WIPF2: variants seen among roughly 807,000 people sequenced by gnomAD.
WIPF2 encodes the protein WAS/WASL interacting protein family member 2, also known as WAS/WASL-interacting protein family member 2.
In WIPF2, 23 loss-of-function variants were observed where a neutral mutation model predicts 38.8. The observed-to-expected ratio is 0.59, with a 90% CI of 0.43 to 0.84. The LOEUF is 0.84. WIPF2 is among the 40% of genes least tolerant of loss of function. The pLI is 0.00. For missense variants in WIPF2, 574 were observed against 580.5 expected (o/e 0.99, Z 0.11); for synonymous variants, 210 against 223.2 (o/e 0.94, Z 0.53).
rs2032587139 is a variant in WIPF2, at chr17:40,283,153, T to TTAA, written c.*4928_*4929insTAA. 1 of 17,360 alleles carries TTAA rather than the reference T, an allele frequency of 5.8e-5. No homozygotes were observed. The highest frequency in any genetic ancestry group is 1.8e-3 in the East Asian group (1 of 548). The allele number at this position is 17,360 out of a possible 1,614,324, so 1.1% of individuals were successfully genotyped here. A position where few individuals can be genotyped will look rare whatever the true frequency, so the allele number is the denominator to read the frequency against. On this transcript the variant is annotated 3_prime_UTR_variant, in exon 8 of 8. Transcript: ENST00000323571. ...CTGAGCTGAGATCATGCCACTGCAC[T>TTAA]AAAAAAAAAAAAAAAAAAAAAAAAA...
At chr17:40,220,562 C>CGTGTGTGTGT (rs753227454) in intron 1 of WIPF2, 1 of 92,662 alleles carries the variant, frequency 1.1e-5, no homozygotes, top group African/African-American at 4.8e-5. Context: ...TCCCGCCTAA[C>CGTGTGTGTGT]GTGTGTGTGT....
chr17:40,224,301 G>A (rs1266193444), intron 1 of WIPF2, among the ~76,000 whole-genome samples: 2 of 140,066 alleles, frequency 1.4e-5, no homozygotes, highest in East Asian at 4.3e-4. Flanking sequence ...GCGCAATCTC[G>A]GCTCACTGCA....
intron 1 of WIPF2, among the ~76,000 whole-genome samples, chr17:40,239,725 C>T (rs1321330120): frequency 7.6e-6 from 1 of 131,014 alleles, no homozygotes; most frequent in African/African-American, 2.8e-5. Context: ...GACGGAGTCT[C>T]ACTCTGTCAT....
chr17:40,240,514 GTT>G (rs797018773), intron 1 of WIPF2, among the ~76,000 whole-genome samples: 3 of 140,710 alleles, frequency 2.1e-5, no homozygotes, highest in Admixed American at 7.1e-5. Flanking sequence ...GCAGTGTTTT[GTT>G]TTTTTTTTTT....
At chr17:40,246,267 G>A (rs1365456070) in intron 1 of WIPF2, among the ~76,000 whole-genome samples, 1 of 151,568 alleles carries the variant, frequency 6.6e-6, no homozygotes, top group East Asian at 1.9e-4. Flanking sequence ...TTGTGTTTTA[G>A]TAGAGATGGG....
chr17:40,239,292 C>T (rs1371014843), intron 1 of WIPF2, among the ~76,000 whole-genome samples: 20 of 150,852 alleles, frequency 1.3e-4, no homozygotes, highest in African/African-American at 4.1e-4. Context: ...AGGATGGTCT[C>T]GATCTCCTGA....
intron 1 of WIPF2, among the ~76,000 whole-genome samples, chr17:40,247,271 G>A (rs946618654): frequency 1.1e-4 from 13 of 123,350 alleles, no homozygotes; most frequent in African/African-American, 4.1e-4. Flanking sequence ...AGGCTAGAGT[G>A]CAGTGGCACA....
intron 1 of WIPF2, among the ~76,000 whole-genome samples, chr17:40,228,172 C>T (rs1193837460): frequency 6.7e-6 from 1 of 150,282 alleles, no homozygotes; most frequent in Non-Finnish European, 1.5e-5. Flanking sequence ...CCCGCCACTA[C>T]GCCCGGCTAA....
chr17:40,266,842 G>A (rs1204723263), intron 5 of WIPF2, among the ~76,000 whole-genome samples: 1 of 152,188 alleles, frequency 6.6e-6, no homozygotes, highest in Non-Finnish European at 1.5e-5. Context: ...GATAAAAAGG[G>A]TTGGCCTTAG....
intron 5 of WIPF2, among the ~76,000 whole-genome samples, chr17:40,268,529 C>G (rs573780122): frequency 2.4e-4 from 36 of 152,256 alleles, no homozygotes; most frequent in African/African-American, 8.7e-4. Flanking sequence ...TTGCTTCCCA[C>G]TTTTCCATTC....
At chr17:40,250,914 C>CTTTTTT (rs1020649049) in intron 1 of WIPF2, among the ~76,000 whole-genome samples, 8 of 90,342 alleles carry the variant, frequency 8.9e-5, no homozygotes, top group African/African-American at 1.3e-4. Context: ...CTATTAGATT[C>CTTTTTT]TTTTTTTTTT....
chr17:40,239,046 T>TTTTATTTTATTTATTTA (rs1555560743), intron 1 of WIPF2, among the ~76,000 whole-genome samples: 1 of 138,762 alleles, frequency 7.2e-6, no homozygotes, highest in African/African-American at 2.8e-5. Flanking sequence ...GTTTATTTTA[T>TTTTATTTTATTTATTTA]TTTATTTATT....
intron 1 of WIPF2, among the ~76,000 whole-genome samples, chr17:40,251,572 G>T (rs1194827573): frequency 6.6e-6 from 1 of 152,026 alleles, no homozygotes; most frequent in Admixed American, 6.6e-5. Flanking sequence ...AATTTCATTT[G>T]GGGAAAAATA....
chr17:40,259,858 C>T (rs889641188), intron 2 of WIPF2, among the ~76,000 whole-genome samples: 2 of 152,198 alleles, frequency 1.3e-5, no homozygotes, highest in African/African-American at 4.8e-5. Context: ...GTGCTTACCA[C>T]AGTGCCTAAG....
chr17:40,270,390 T>G (rs990402974), intron 5 of WIPF2, among the ~76,000 whole-genome samples: 3 of 129,030 alleles, frequency 2.3e-5, no homozygotes, highest in Non-Finnish European at 5.0e-5. Flanking sequence ...AAAAGAAAAA[T>G]AACTGGATCT....
intron 1 of WIPF2, among the ~76,000 whole-genome samples, chr17:40,242,476 T>C (rs1439473629): frequency 6.6e-6 from 1 of 152,156 alleles, no homozygotes; most frequent in African/African-American, 2.4e-5. Context: ...CTCAGCTCGC[T>C]GCAACCTCCG....
At chr17:40,247,485 C>T (rs923787278) in intron 1 of WIPF2, among the ~76,000 whole-genome samples, 1 of 149,684 alleles carries the variant, frequency 6.7e-6, no homozygotes, top group Non-Finnish European at 1.5e-5. Flanking sequence ...TCCCAAAGTG[C>T]TGGGATTACG....
intron 1 of WIPF2, among the ~76,000 whole-genome samples, chr17:40,244,502 C>T (rs967095384): frequency 2.6e-5 from 4 of 152,176 alleles, no homozygotes; most frequent in Non-Finnish European, 5.9e-5. Context: ...GGAAGGCCTT[C>T]AGTTAGTACT....
intron 1 of WIPF2, among the ~76,000 whole-genome samples, chr17:40,228,783 A>G (rs2030610523): frequency 6.6e-6 from 1 of 151,660 alleles, no homozygotes; most frequent in Admixed American, 6.6e-5. Context: ...TGTGTGCACA[A>G]TTTTTAAAAT....
Sources: allele counts gnomAD v4.1 joint callset (sites outside exome capture counted in the v4.1 genomes callset), GRCh38; gene constraint gnomAD v4.1.1; transcripts MANE v1.5; gene names NCBI Gene and HGNC (gene_info 2026-07-23, HGNC 2026-07-21).